The following DSCAM variants were observed in gnomAD, a reference collection of about 807,000 sequenced individuals.
The protein encoded by DSCAM is cell adhesion molecule DSCAM.
A neutral mutation model predicts 217.7 loss-of-function variants in DSCAM; 47 were observed. The observed-to-expected ratio is 0.22, with a 90% CI of 0.17 to 0.28. DSCAM has a LOEUF of 0.28. Ranked by LOEUF, DSCAM falls within the 10% of genes least tolerant of loss-of-function variation. The pLI is 1.00. For synonymous variants in DSCAM, 1,056 were observed against 1,015.3 expected (o/e 1.04, Z -0.76); for missense variants, 2,080 against 2,618.3 (o/e 0.79, Z 4.49).
intron 3 of DSCAM, among the ~76,000 whole-genome samples, chr21:40,490,345 T>C (rs913631481): frequency 1.3e-5 from 2 of 152,176 alleles, no homozygotes; most frequent in Non-Finnish European, 2.9e-5. Context: ...ATACAGTATT[T>C]TTTTAAAAAA....
rs1022789545 is a variant in DSCAM, at chr21:40,059,471, A to G, written c.4919+3398T>C. ...GTGAAACAGGTGGATATCTAGGAGC[A>G]TGAAGCCCAGCAATGGGTGATGCTG... is the stretch of plus-strand genomic sequence containing the variant. On this transcript the variant is annotated intron_variant, in intron 28 of 32. Transcript: ENST00000400454. Among the ~76,000 whole-genome samples the G allele has an allele frequency of 3.9e-5, 6 of 152,334 alleles. 1 individual carries two copies. The South Asian group carries it at 1.2e-3, about 32-fold the overall frequency.
At chr21:40,182,616 A>G (rs1306284664) in intron 14 of DSCAM, among the ~76,000 whole-genome samples, 15 of 97,392 alleles carry the variant, frequency 1.5e-4, no homozygotes, top group African/African-American at 4.6e-4. Flanking sequence ...CGTGGACAGA[A>G]CGGGCCACCA....
At chr21:40,211,042 G>T (rs2091178152) in intron 11 of DSCAM, among the ~76,000 whole-genome samples, 2 of 152,300 alleles carry the variant, frequency 1.3e-5, no homozygotes, top group South Asian at 2.1e-4. Context: ...CCTACCCATT[G>T]TACCTGTCTA....
At chr21:40,828,511 C>G (rs891257368) in intron 1 of DSCAM, among the ~76,000 whole-genome samples, 1 of 152,092 alleles carries the variant, frequency 6.6e-6, no homozygotes, top group African/African-American at 2.4e-5. Flanking sequence ...GGATAAAGTC[C>G]CCTAGCCAAA....
At chr21:40,569,956 T>C (rs1324930084) in intron 3 of DSCAM, among the ~76,000 whole-genome samples, 2 of 152,088 alleles carry the variant, frequency 1.3e-5, no homozygotes, top group Non-Finnish European at 2.9e-5. Context: ...AGGACAAATG[T>C]AGTGAACAAA....
chr21:40,677,213 TA>T (rs11448713), intron 3 of DSCAM, among the ~76,000 whole-genome samples: 1 of 150,342 alleles, frequency 6.7e-6, no homozygotes, highest in African/African-American at 2.4e-5. Flanking sequence ...CATAGGAGGA[TA>T]AAAAAAAATG....
At chr21:40,472,831 A>T (rs949083709) in intron 3 of DSCAM, among the ~76,000 whole-genome samples, 2 of 152,198 alleles carry the variant, frequency 1.3e-5, no homozygotes, top group Non-Finnish European at 2.9e-5. Flanking sequence ...CCCAATATGC[A>T]TGTGTGATGC....
chr21:40,563,577 A>C (rs2076738219), intron 3 of DSCAM, among the ~76,000 whole-genome samples: 1 of 79,032 alleles, frequency 1.3e-5, no homozygotes, highest in Non-Finnish European at 2.7e-5. Context: ...ATATATAGTT[A>C]TATGTTTATA....
At chr21:40,193,916 T>C (rs1254422170) in intron 11 of DSCAM, among the ~76,000 whole-genome samples, 1 of 152,242 alleles carries the variant, frequency 6.6e-6, no homozygotes, top group Non-Finnish European at 1.5e-5. Flanking sequence ...GCTCCAAGGC[T>C]GGTGTTGACC....
intron 3 of DSCAM, among the ~76,000 whole-genome samples, chr21:40,393,874 A>G (rs945386169): frequency 6.6e-6 from 1 of 152,344 alleles, no homozygotes; most frequent in South Asian, 2.1e-4. Context: ...TCATTTTAAT[A>G]CTGTGTAATA....
chr21:40,062,976 T>G, intron 27 of DSCAM, 77 bp from the exon 28 acceptor site: 6 of 1,334,038 alleles, frequency 4.5e-6, no homozygotes, highest in Non-Finnish European at 6.2e-6. Context: ...ACAAATACTC[T>G]ACAGTCAGAT....
intron 27 of DSCAM, among the ~76,000 whole-genome samples, chr21:40,065,417 A>G (rs1044528748): frequency 1.3e-5 from 2 of 152,172 alleles, no homozygotes; most frequent in Non-Finnish European, 2.9e-5. Flanking sequence ...GTTGAGGGTG[A>G]GAAGAGAGTC....
At chr21:40,205,400 C>T (rs960634356) in intron 11 of DSCAM, among the ~76,000 whole-genome samples, 1 of 152,028 alleles carries the variant, frequency 6.6e-6, no homozygotes, top group Non-Finnish European at 1.5e-5. Context: ...GTCAGGAGTT[C>T]GAGACCAGAC....
At chr21:40,580,624 A>AAATC (rs2076897586) in intron 3 of DSCAM, among the ~76,000 whole-genome samples, 1 of 152,180 alleles carries the variant, frequency 6.6e-6, no homozygotes, top group Non-Finnish European at 1.5e-5. Flanking sequence ...AAGTAGAAAA[A>AAATC]AATCAATAGA....
At chr21:40,781,992 C>CAAAAAAAA (rs57750960) in intron 1 of DSCAM, among the ~76,000 whole-genome samples, 52 of 106,378 alleles carry the variant, frequency 4.9e-4, no homozygotes, top group South Asian at 1.0e-3. Flanking sequence ...ACTAAAAATA[C>CAAAAAAAA]AAAAAAAAAA....
intron 3 of DSCAM, among the ~76,000 whole-genome samples, chr21:40,551,275 GTT>G (rs2076627578): frequency 3.3e-5 from 5 of 152,254 alleles, no homozygotes; most frequent in African/African-American, 1.2e-4. Context: ...TCTTGAAGTG[GTT>G]GGGGGTGTTG....
intron 11 of DSCAM, among the ~76,000 whole-genome samples, chr21:40,204,288 T>C (rs1201835499): frequency 1.3e-5 from 2 of 152,204 alleles, no homozygotes; most frequent in South Asian, 2.1e-4. Flanking sequence ...TGTGTGCCTG[T>C]GTGCATGTGT....
intron 1 of DSCAM, among the ~76,000 whole-genome samples, chr21:40,771,295 T>G (rs1200234923): frequency 6.6e-6 from 1 of 152,168 alleles, no homozygotes; most frequent in Non-Finnish European, 1.5e-5. Context: ...CAGGCCTGGG[T>G]TCCTCTTCAG....
chr21:40,591,417 A>G (rs1441514211), intron 3 of DSCAM, among the ~76,000 whole-genome samples: 1 of 152,228 alleles, frequency 6.6e-6, no homozygotes, highest in African/African-American at 2.4e-5. Context: ...TAAACACGCA[A>G]TACTAGTTGT....
Sources: allele counts gnomAD v4.1 joint callset (sites outside exome capture counted in the v4.1 genomes callset), GRCh38; gene constraint gnomAD v4.1.1; transcripts MANE v1.5; gene names NCBI Gene and HGNC (gene_info 2026-07-23, HGNC 2026-07-21).